EPN3: variants seen among roughly 807,000 people sequenced by gnomAD.
EPN3 encodes the protein epsin-3.
Under a neutral mutation model 55.5 loss-of-function variants are expected in EPN3, and 56 were observed. The observed-to-expected ratio is 1.01, with a 90% CI of 0.81 to 1.26. The LOEUF (loss-of-function observed/expected upper bound fraction) is 1.26, where lower values mean the gene tolerates loss of function less well. Ranked by LOEUF, EPN3 falls within the 50% of genes most tolerant of loss-of-function variation. The probability of loss-of-function intolerance (pLI) is 0.00; values close to 1 mark genes in which losing one functional copy is unlikely to be tolerated. For missense variants in EPN3, 927 were observed against 853.4 expected (o/e 1.09, Z -1.07); for synonymous variants, 449 against 375.2 (o/e 1.20, Z -2.27).
At chr17:50,537,371 A>T in intron 2 of EPN3, 1 of 545,774 alleles carries the variant, frequency 1.8e-6, no homozygotes, top group South Asian at 2.3e-5. Context: ...TAGTGGAAGC[A>T]TGGGTTTGGA....
In EPN3 at chr17:50,536,668, T is replaced by C; in HGVS notation, c.112T>C (p.Ser38Pro). 1 of 1,613,890 alleles carries C rather than the reference T, an allele frequency of 6.2e-7. No homozygotes were observed. The highest frequency in any genetic ancestry group is 8.5e-7 in the Non-Finnish European group (1 of 1,179,982). Residue 38 changes from serine (S) to proline (P), a missense_variant, in exon 2 of 10, where the codon TCG (serine) becomes CCG (proline). Ser to Pro is a moderately conservative substitution (Grantham distance 74). Transcript: ENST00000268933. Reference sequence around the variant, plus strand: ...CAATGACCCCTGGGGCCCCCCTAGTTCGCTCATGTCCGAGATCGCTGACCT... The same window carrying C: ...CAATGACCCCTGGGGCCCCCCTAGTCCGCTCATGTCCGAGATCGCTGACCT... Reference protein sequence around the residue: ...TSNDPWGPPSSLMSEIADLTF... With the variant: ...TSNDPWGPPSPLMSEIADLTF...
chr17:50,537,078 G>A lies in EPN3; in HGVS notation c.522G>A (p.Glu174=). The A allele has an allele frequency of 6.2e-7, 1 of 1,611,078 alleles. No individual in the cohort carries two copies. Among genetic ancestry groups the A allele is most frequent in the South Asian group, 1.1e-5 (1 of 90,960 alleles). ...TGGGCTTCAGCCGCCGCTACGGCGA[G>A]GACTACAGCCGCTCCCGGGGCTCCC... ...GQLGFSRRYG[E]DYSRSRGSPS... The change falls in exon 2 of 10, where the codon GAG becomes GAA. Residue 174 remains glutamate (E), a synonymous_variant. Transcript: ENST00000268933.
chr17:50,542,180 C>A lies in EPN3; in HGVS notation c.*23C>A. The A allele has an allele frequency of 6.9e-7, 1 of 1,452,224 alleles. No homozygotes were observed. The highest frequency in any genetic ancestry group is 1.4e-5 in the South Asian group (1 of 73,468). 90.0% of individuals were successfully genotyped at this position (1,452,224 alleles called of 1,614,324 possible). A position where few individuals can be genotyped will look rare whatever the true frequency, so the allele number is the denominator to read the frequency against. ...TGAGCCCCGCCCCGTCCCATACCGG[C>A]CTGCGCCTGCGCCGGACGCTCCGCG... On this transcript the variant is annotated 3_prime_UTR_variant, in exon 10 of 10. Transcript: ENST00000268933.
intron 1 of EPN3, among the ~76,000 whole-genome samples, chr17:50,533,946 G>A (rs1202240231): frequency 6.6e-6 from 1 of 152,190 alleles, no homozygotes; most frequent in East Asian, 1.9e-4. Flanking sequence ...CGCCTTATCG[G>A]CCGCTGGGTT....
intron 1 of EPN3, among the ~76,000 whole-genome samples, chr17:50,533,415 G>A (rs569396335): frequency 1.3e-5 from 2 of 152,286 alleles, no homozygotes; most frequent in East Asian, 3.9e-4. Flanking sequence ...GCATCAAGAA[G>A]GGCACTGTCA....
At chr17:50,539,550 G>C (rs2034815963) in intron 5 of EPN3, among the ~76,000 whole-genome samples, 1 of 152,190 alleles carries the variant, frequency 6.6e-6, no homozygotes, top group African/African-American at 2.4e-5. Flanking sequence ...TCGGGTTCTG[G>C]ATTTGCTGCC....
intron 1 of EPN3, among the ~76,000 whole-genome samples, chr17:50,535,645 TC>T (rs1369428733): frequency 6.6e-6 from 1 of 152,160 alleles, no homozygotes; most frequent in African/African-American, 2.4e-5. Context: ...GCTTGGGTCT[TC>T]CTGTGCGGCT....
rs564194484 is a variant in EPN3, at chr17:50,536,758, G to A, written c.202G>A (p.Gly68Ser). 2.5e-6 allele frequency: 4 copies of A among 1,614,144 alleles called. No individual in the cohort carries two copies. Among genetic ancestry groups the A allele is most frequent in the East Asian group, 4.5e-5 (2 of 44,876 alleles). The change falls in exon 2 of 10, where the codon GGC (glycine) becomes AGC (serine). Residue 68 changes from glycine to serine, a missense_variant. Physicochemically the swap from Gly to Ser is moderately conservative, Grantham distance 56. Transcript: ENST00000268933. ...GCTGTGGCGGCGGCTCAATGACAGC[G>A]GCAAGAACTGGCGGCACGTGTACAA... ...GMLWRRLNDS[G>S]KNWRHVYKAL...
Position 50,542,481 on chromosome 17 carries a change from C to A in EPN3, c.*324C>A. On this transcript the variant is annotated 3_prime_UTR_variant, in exon 10 of 10. Transcript: ENST00000268933. ...CACAACGTGGGGTGCAAAACTGCCC[C>A]GCTTCCTTTACAGCTCTTCTCAACC... is the stretch of plus-strand genomic sequence containing the variant. 3.3e-6 allele frequency: 1 copy of A among 306,492 alleles called. No individual in the cohort carries two copies. The highest frequency in any genetic ancestry group is 6.0e-6 in the Non-Finnish European group (1 of 167,590). The allele number at this position is 306,492 out of a possible 1,614,324, so 19.0% of individuals were successfully genotyped here.
At chr17:50,538,743 G>C in intron 3 of EPN3, 141 bp from the exon 4 acceptor site, 1 of 576,796 alleles carries the variant, frequency 1.7e-6, no homozygotes, top group Non-Finnish European at 3.0e-6. Flanking sequence ...CGCCCACCCT[G>C]CTGACTGAGC....
At chr17:50,538,241 G>A (rs775717445) in intron 3 of EPN3, 44 bp downstream of exon 3, 2 of 1,507,138 alleles carry the variant, frequency 1.3e-6, no homozygotes, top group African/African-American at 1.4e-5. Flanking sequence ...GGATGGGCTA[G>A]GGGGAGAGAG....
intron 1 of EPN3, chr17:50,534,753 C>T (rs756250892): frequency 1.3e-5 from 9 of 706,744 alleles, no homozygotes; most frequent in East Asian, 2.7e-4. Flanking sequence ...GTTTTCAAAG[C>T]GTGGGGCTGC....
chr17:50,536,333 T>G, intron 1 of EPN3, 88 bp from the exon 2 acceptor site: 1 of 1,159,952 alleles, frequency 8.6e-7, no homozygotes, highest in South Asian at 1.8e-5. Context: ...GCAGGGACAC[T>G]CTGGCCAGGC....
At position 50,536,670 on chromosome 17, in the gene EPN3, G is replaced by C. The variant is rs139812468; in HGVS notation, c.114G>C (p.Ser38=). The change falls in exon 2 of 10, where the codon TCG becomes TCC. Residue 38 remains serine (S), a synonymous_variant. Coordinates refer to ENST00000268933, the MANE Select transcript of EPN3 (RefSeq NM_017957.3). ...ATGACCCCTGGGGCCCCCCTAGTTC[G>C]CTCATGTCCGAGATCGCTGACCTGA... ...TSNDPWGPPS[S]LMSEIADLTF... is the part of the protein sequence containing the mutation. The C allele has an allele frequency of 2.5e-6, 4 of 1,614,096 alleles. No individual in the cohort carries two copies. The highest frequency in any genetic ancestry group is 3.4e-6 in the Non-Finnish European group (4 of 1,180,036).
intron 4 of EPN3, 51 bp from the exon 5 acceptor site, chr17:50,539,136 G>T (rs761540505): frequency 1.2e-6 from 2 of 1,607,692 alleles, no homozygotes; most frequent in Non-Finnish European, 8.5e-7. Flanking sequence ...CAGGTCCCCG[G>T]ATTCCCGCCT....
rs746817179 is a variant in EPN3, at chr17:50,538,938, C to T, written c.736C>T (p.Arg246Cys). The T allele has an allele frequency of 2.6e-5, 41 of 1,607,824 alleles. No homozygotes were observed. The highest frequency in any genetic ancestry group is 3.4e-5 in the Non-Finnish European group (40 of 1,176,390). The change falls in exon 4 of 10, where the codon CGC becomes TGC. Residue 246 changes from arginine (R) to cysteine (C), a missense_variant. Transcript: ENST00000268933. The part of the protein sequence containing the change: ...DEDLQLQLAL[R>C]LSRQEHEKEV... ...GGACCTGCAGCTGCAGCTGGCTCTG[C>T]GCCTGAGCCGGCAGGAGCACGAGAA...
chr17:50,540,196 C>T (rs554535847), intron 5 of EPN3, 51 bp from the exon 6 acceptor site: 7 of 1,465,472 alleles, frequency 4.8e-6, no homozygotes, highest in South Asian at 4.6e-5. Context: ...GGCCTGCCCT[C>T]CCTCCAGGCC....
intron 1 of EPN3, among the ~76,000 whole-genome samples, chr17:50,534,099 GCTTCTTCCTTTCCTCCTCCCTTCTCT>G (rs2034723327): frequency 6.2e-5 from 2 of 32,148 alleles, no homozygotes; most frequent in Non-Finnish European, 1.1e-4. Context: ...GCTTGGGCAG[GCTTCTTCCTTTCCTCCTCCCTTCTCT>G]GCGCTTGGGC....
chr17:50,541,063 G>T lies in EPN3; in HGVS notation c.1249+1G>T. On this transcript the variant is annotated splice_donor_variant, in intron 7 of 9. Transcript: ENST00000268933. LOFTEE classifies it high-confidence loss of function. Reference sequence around the variant, plus strand: ...TCCCTGGAGACCTCCGACACACCTGGTAAGAAGAGGGCCAGAGAGTGTGAG... The same window carrying T: ...TCCCTGGAGACCTCCGACACACCTGTTAAGAAGAGGGCCAGAGAGTGTGAG... 1 of 1,574,370 alleles carries T rather than the reference G, an allele frequency of 6.4e-7. No individual in the cohort carries two copies.
Sources: allele counts gnomAD v4.1 joint callset (sites outside exome capture counted in the v4.1 genomes callset), GRCh38; gene constraint gnomAD v4.1.1; transcripts MANE v1.5; gene names NCBI Gene and HGNC (gene_info 2026-07-23, HGNC 2026-07-21).